The following CPNE4 variants were observed in gnomAD, a reference collection of about 807,000 sequenced individuals.
CPNE4 encodes the protein copine-4.
Under a neutral mutation model 67.9 loss-of-function variants are expected in CPNE4, and 25 were observed. The ratio of observed to expected loss-of-function variants is 0.37; its 90% confidence interval spans 0.27 to 0.51. The LOEUF (loss-of-function observed/expected upper bound fraction) is 0.51, where lower values mean the gene tolerates loss of function less well. CPNE4 is among the 20% of genes least tolerant of loss of function. The probability of loss-of-function intolerance (pLI) is 0.93; values close to 1 mark genes in which losing one functional copy is unlikely to be tolerated. For synonymous variants in CPNE4, 242 were observed against 244.9 expected, an observed-to-expected ratio of 0.99 and a Z score of 0.11; for missense variants, 464 against 690.8, an observed-to-expected ratio of 0.67 and a Z score of 3.68.
chr3:131,857,528 GA>G (rs2086498563), intron 2 of CPNE4, among the ~76,000 whole-genome samples: 1 of 151,952 alleles, frequency 6.6e-6, no homozygotes, highest in Admixed American at 6.6e-5. Context: ...ACTTTGGGGG[GA>G]TATTTCTCAG....
intron 2 of CPNE4, among the ~76,000 whole-genome samples, chr3:131,823,804 A>G (rs980778421): frequency 6.6e-6 from 1 of 152,240 alleles, no homozygotes; most frequent in Non-Finnish European, 1.5e-5. Context: ...TATTAAGTGT[A>G]GCAAGCCAGA....
At chr3:131,537,889 C>T (rs1051632966) in intron 15 of CPNE4, among the ~76,000 whole-genome samples, 4 of 152,110 alleles carry the variant, frequency 2.6e-5, no homozygotes, top group African/African-American at 9.7e-5. Flanking sequence ...TTTGTATAAT[C>T]CAGGGTTTCT....
chr3:131,651,184 C>A (rs1402474197), intron 7 of CPNE4, among the ~76,000 whole-genome samples: 7 of 152,116 alleles, frequency 4.6e-5, no homozygotes, highest in Non-Finnish European at 8.8e-5. Flanking sequence ...CTTCAAAGGG[C>A]CTTCCCCTTT....
chr3:131,544,601 G>A lies in CPNE4; in HGVS notation c.1303-1808C>T, dbSNP rs1403587521. 2.0e-5 allele frequency among the ~76,000 whole-genome samples: 3 copies of A among 152,148 alleles called. No homozygotes were observed. The East Asian group carries it at 5.8e-4, about 29-fold the overall frequency. On this transcript the variant is annotated intron_variant, in intron 14 of 15. Transcript: ENST00000429747. Reference sequence around the variant, plus strand: ...GTTGTATATGTTCACAAGGAAGTTGGCTTGAGAGTTTAGAGAAGGCTTTCA... The same window carrying A: ...GTTGTATATGTTCACAAGGAAGTTGACTTGAGAGTTTAGAGAAGGCTTTCA...
intron 2 of CPNE4, among the ~76,000 whole-genome samples, chr3:131,886,772 A>G (rs2087911029): frequency 6.6e-6 from 1 of 152,172 alleles, no homozygotes; most frequent in South Asian, 2.1e-4. Context: ...TGGATTTTGG[A>G]CTTACATGAG....
intron 1 of CPNE4, among the ~76,000 whole-genome samples, chr3:131,920,296 G>A (rs2035095): frequency 0.11 from 17,319 of 152,032 alleles, 1,095 homozygotes; most frequent in Middle Eastern, 0.17. Context: ...ATTTTTACTC[G>A]TTTATTTCTC....
At chr3:131,761,921 G>A (rs1004273954) in intron 2 of CPNE4, among the ~76,000 whole-genome samples, 3 of 152,066 alleles carry the variant, frequency 2.0e-5, no homozygotes, top group Admixed American at 6.6e-5. Context: ...CAATCAGGAG[G>A]CCTTTTTGAG....
chr3:131,588,264 C>A (rs1938311368), intron 7 of CPNE4, among the ~76,000 whole-genome samples: 1 of 152,168 alleles, frequency 6.6e-6, no homozygotes, highest in Non-Finnish European at 1.5e-5. Context: ...GCTAAATATT[C>A]AGCTCTCGAG....
intron 7 of CPNE4, among the ~76,000 whole-genome samples, chr3:131,616,064 C>T (rs909061531): frequency 7.2e-5 from 11 of 152,056 alleles, no homozygotes; most frequent in South Asian, 4.2e-4. Flanking sequence ...AGATGAAAGA[C>T]GAGAAATGGG....
intron 7 of CPNE4, among the ~76,000 whole-genome samples, chr3:131,641,966 A>G (rs2079551528): frequency 6.6e-6 from 1 of 152,140 alleles, no homozygotes; most frequent in Non-Finnish European, 1.5e-5. Context: ...TGAGGGCGCT[A>G]AGGCATAAGA....
intron 2 of CPNE4, among the ~76,000 whole-genome samples, chr3:131,857,458 A>G (rs900780296): frequency 2.6e-5 from 4 of 152,022 alleles, no homozygotes; most frequent in African/African-American, 9.7e-5. Context: ...ATGTTTGGCT[A>G]AACAGTAGGA....
chr3:131,622,018 C>CAAAAAAAAAAAAAAAAAAAAAAAA (rs34415771), intron 7 of CPNE4, among the ~76,000 whole-genome samples: 2 of 58,036 alleles, frequency 3.4e-5, no homozygotes, highest in African/African-American at 1.1e-4. Context: ...GACCCTGTCT[C>CAAAAAAAAAAAAAAAAAAAAAAAA]AAAAAAAAAA....
At chr3:131,687,882 T>C (rs1246021627) in intron 5 of CPNE4, among the ~76,000 whole-genome samples, 1 of 152,112 alleles carries the variant, frequency 6.6e-6, no homozygotes, top group South Asian at 2.1e-4. Context: ...TAAGGAGTAT[T>C]GAGGGAAGAG....
At chr3:131,551,487 T>C (rs556472423) in intron 13 of CPNE4, among the ~76,000 whole-genome samples, 82 of 152,166 alleles carry the variant, frequency 5.4e-4, no homozygotes, top group African/African-American at 1.9e-3. Flanking sequence ...AAACCACTCT[T>C]ACAGTTGCAG....
intron 7 of CPNE4, among the ~76,000 whole-genome samples, chr3:131,658,288 G>T (rs1263732727): frequency 1.3e-5 from 2 of 152,156 alleles, no homozygotes; most frequent in Non-Finnish European, 2.9e-5. Context: ...TGAGACGGGG[G>T]ACCCTGACTG....
intron 2 of CPNE4, among the ~76,000 whole-genome samples, chr3:131,751,992 A>G (rs1041748274): frequency 4.0e-5 from 6 of 151,782 alleles, no homozygotes; most frequent in Non-Finnish European, 7.4e-5. Flanking sequence ...CCTCATTACT[A>G]CTGGGCAATG....
intron 2 of CPNE4, among the ~76,000 whole-genome samples, chr3:131,769,432 A>G (rs1429791574): frequency 6.6e-6 from 1 of 152,140 alleles, no homozygotes; most frequent in African/African-American, 2.4e-5. Flanking sequence ...CAAGATGGCT[A>G]CCAGCTGATT....
At position 131,542,646 on chromosome 3, in the gene CPNE4, C is replaced by T. The variant is rs1227870310; in HGVS notation, c.1450G>A (p.Asp484Asn). ...GACCTCAGAATCCCATCATCACCGT[C>T]CAGCATCTGCATGTCACTGAAGTCA... ...NADFSDMQML[D>N]GDDGILRSPK... Residue 484 changes from aspartate to asparagine, a missense_variant, in exon 15 of 16, where the codon GAC becomes AAC. Asp to Asn is a conservative substitution (Grantham distance 23, BLOSUM62 1). This residue lies in a region of CPNE4 where 201 missense variants were observed against 357.7 expected (regional missense o/e 0.56). Transcript: ENST00000429747. 3.7e-6 allele frequency: 6 copies of T among 1,614,124 alleles called. No individual in the cohort carries two copies. The highest frequency in any genetic ancestry group is 4.2e-6 in the Non-Finnish European group (5 of 1,179,976).
intron 1 of CPNE4, among the ~76,000 whole-genome samples, chr3:131,952,564 G>A (rs1484960636): frequency 2.2e-5 from 2 of 90,630 alleles, no homozygotes; most frequent in African/African-American, 9.7e-5. Context: ...CATCCGGGAG[G>A]GAGGTGGGGG....
Sources: gnomAD v4.1 joint callset for allele counts (sites outside exome capture counted in the v4.1 genomes callset) on GRCh38, gnomAD v4.1.1 for gene constraint, gnomAD v4.1.1 regional missense constraint, MANE v1.5 for transcripts, NCBI Gene and HGNC (gene_info 2026-07-23, HGNC 2026-07-21) for gene names.